The following HMGB1 variants were observed in gnomAD, a reference collection of about 807,000 sequenced individuals.
HMGB1 encodes the protein high mobility group protein B1.
For missense variants in HMGB1, 79 were observed against 253.5 expected (o/e 0.31, Z 4.67); for synonymous variants, 81 against 84.0 (o/e 0.96, Z 0.19).
At chr13:30,494,569 C>G (rs149550632) in intron 1 of HMGB1, among the ~76,000 whole-genome samples, 1 of 152,328 alleles carries the variant, frequency 6.6e-6, no homozygotes, top group African/African-American at 2.4e-5. Context: ...TCATGTTGGT[C>G]AGGCTGGTCT....
chr13:30,471,131 A>G (rs1169493643), intron 1 of HMGB1, among the ~76,000 whole-genome samples: 2 of 151,572 alleles, frequency 1.3e-5, no homozygotes, highest in Non-Finnish European at 2.9e-5. Context: ...GGCACGCGCC[A>G]TGGCTAATTT....
rs1886226436 is a variant in HMGB1 at position 30,460,181 on chromosome 13, T to C, written c.*1176A>G. 1 of 150,440 alleles carries C rather than the reference T, an allele frequency of 6.6e-6. No individual in the cohort carries two copies. Among genetic ancestry groups the C allele is most frequent in the Non-Finnish European group, 1.5e-5 (1 of 67,488 alleles). 9.3% of individuals were successfully genotyped at this position (150,440 alleles called of 1,614,324 possible). On this transcript the variant is annotated 3_prime_UTR_variant, in exon 5 of 5. Transcript: ENST00000341423. ...AATTCATACTGAGATGCAAAGTTTG[T>C]CTTCTTTCTTCCTATCTACTTGGAT...
At chr13:30,495,623 C>A (rs958551373) in intron 1 of HMGB1, among the ~76,000 whole-genome samples, 1 of 152,038 alleles carries the variant, frequency 6.6e-6, no homozygotes, top group Non-Finnish European at 1.5e-5. Flanking sequence ...GGACTACAGG[C>A]GCGTGCCGCC....
chr13:30,560,074 T>C (rs1566025279), intron 1 of HMGB1, among the ~76,000 whole-genome samples: 1 of 152,230 alleles, frequency 6.6e-6, no homozygotes, highest in Non-Finnish European at 1.5e-5. Context: ...GTTTCTCTTG[T>C]ATCCTGTAGC....
intron 1 of HMGB1, among the ~76,000 whole-genome samples, chr13:30,527,573 G>A (rs912004325): frequency 6.6e-6 from 1 of 151,982 alleles, no homozygotes; most frequent in Non-Finnish European, 1.5e-5. Flanking sequence ...GCATCACCAC[G>A]ACATCCAGCA....
rs1335117622 is a variant in HMGB1 at position 30,456,998 on chromosome 13, AAG to A, written c.*4357_*4358del. 3.3e-5 allele frequency: 5 copies of A among 152,178 alleles called. No homozygotes were observed. The highest frequency in any genetic ancestry group is 7.4e-5 in the Non-Finnish European group (5 of 68,022). 9.4% of individuals were successfully genotyped at this position (152,178 alleles called of 1,614,324 possible). ...GATCATATACAAGTGAGATCGAAAA[AAG>A]AAAAAATATGTATTATGGAGCACCA... On this transcript the variant is annotated 3_prime_UTR_variant, in exon 5 of 5. Transcript: ENST00000341423.
At chr13:30,528,430 T>C (rs1888418613) in intron 1 of HMGB1, among the ~76,000 whole-genome samples, 1 of 152,136 alleles carries the variant, frequency 6.6e-6, no homozygotes. Context: ...GGTGAGATCA[T>C]ATTAACCCAT....
intron 1 of HMGB1, among the ~76,000 whole-genome samples, chr13:30,594,597 T>C (rs1041195395): frequency 5.3e-5 from 8 of 152,236 alleles, no homozygotes; most frequent in African/African-American, 1.7e-4. Flanking sequence ...CCATGTTGTA[T>C]AGGTAACACA....
intron 1 of HMGB1, among the ~76,000 whole-genome samples, chr13:30,465,558 G>A (rs111449005): frequency 0.013 from 1,904 of 150,642 alleles, 41 homozygotes; most frequent in African/African-American, 0.044. Flanking sequence ...GTGGAAACTC[G>A]CGGGGCGCGG....
intron 1 of HMGB1, among the ~76,000 whole-genome samples, chr13:30,581,910 G>GGA (rs1198005150): frequency 1.3e-5 from 2 of 152,184 alleles, no homozygotes; most frequent in Non-Finnish European, 2.9e-5. Context: ...GGGAAGGTAG[G>GGA]GAGATATGGG....
chr13:30,607,517 C>T (rs978654024), intron 1 of HMGB1, among the ~76,000 whole-genome samples: 2 of 152,188 alleles, frequency 1.3e-5, no homozygotes, highest in Non-Finnish European at 2.9e-5. Flanking sequence ...TGAGGCCTCC[C>T]CAGCCATGCA....
intron 1 of HMGB1, among the ~76,000 whole-genome samples, chr13:30,569,746 CA>C (rs1453641259): frequency 2.0e-5 from 3 of 152,114 alleles, no homozygotes; most frequent in Non-Finnish European, 4.4e-5. Context: ...GGATAAAGAG[CA>C]GAAGTATAAG....
chr13:30,480,074 CT>C (rs1387720628), intron 1 of HMGB1, among the ~76,000 whole-genome samples: 1 of 152,176 alleles, frequency 6.6e-6, no homozygotes, highest in Non-Finnish European at 1.5e-5. Flanking sequence ...GTCCTTCCCC[CT>C]CCTCTGCTGC....
intron 1 of HMGB1, among the ~76,000 whole-genome samples, chr13:30,573,939 C>G (rs1317523300): frequency 6.6e-6 from 1 of 152,176 alleles, no homozygotes; most frequent in Non-Finnish European, 1.5e-5. Flanking sequence ...CAGGCGTGAG[C>G]CACCGCACCC....
intron 1 of HMGB1, among the ~76,000 whole-genome samples, chr13:30,499,128 T>C (rs574356982): frequency 6.6e-6 from 1 of 152,208 alleles, no homozygotes; most frequent in South Asian, 2.1e-4. Context: ...AATTTTTATA[T>C]TTTTAGTAGA....
intron 1 of HMGB1, among the ~76,000 whole-genome samples, chr13:30,531,509 C>T (rs1278782947): frequency 6.6e-5 from 9 of 135,590 alleles, no homozygotes; most frequent in Admixed American, 2.3e-4. Flanking sequence ...GTAACATATA[C>T]GTGTGTGTGT....
chr13:30,543,703 T>C (rs974265400), intron 1 of HMGB1, among the ~76,000 whole-genome samples: 3 of 152,142 alleles, frequency 2.0e-5, no homozygotes, highest in Admixed American at 1.3e-4. Flanking sequence ...GCAGGGATGC[T>C]AAAAGATTCT....
chr13:30,603,704 C>G (rs1207083608), intron 1 of HMGB1, among the ~76,000 whole-genome samples: 1 of 152,170 alleles, frequency 6.6e-6, no homozygotes, highest in Non-Finnish European at 1.5e-5. Context: ...AATAATAAAT[C>G]ATGTTTAAGC....
At position 30,462,345 on chromosome 13, in the gene HMGB1, T is replaced by C. The variant is rs1886402978; in HGVS notation, c.471+193A>G. On this transcript the variant is annotated intron_variant, in intron 4 of 4. Coordinates refer to ENST00000341423, the MANE Select transcript of HMGB1 (RefSeq NM_002128.7). ...AACATAAATGTACACAGCCTTTGTCTGAGTCTGATTACATTTTAGTCAAAA... is the reference window on the plus strand; with the variant it reads ...AACATAAATGTACACAGCCTTTGTCCGAGTCTGATTACATTTTAGTCAAAA... 4.5e-6 allele frequency: 3 copies of C among 666,082 alleles called. No individual in the cohort carries two copies. The East Asian group carries it at 8.4e-5, about 19-fold the overall frequency. The allele number at this position is 666,082 out of a possible 1,614,324, so 41.3% of individuals were successfully genotyped here.
Sources: allele counts gnomAD v4.1 joint callset (sites outside exome capture counted in the v4.1 genomes callset), GRCh38; gene constraint gnomAD v4.1.1; transcripts MANE v1.5; gene names NCBI Gene and HGNC (gene_info 2026-07-23, HGNC 2026-07-21).